The following PDE10A variants were observed in gnomAD, a reference collection of about 807,000 sequenced individuals.
The protein encoded by PDE10A is cAMP and cAMP-inhibited cGMP 3',5'-cyclic phosphodiesterase 10A.
In PDE10A, 39 loss-of-function variants were observed where a neutral mutation model predicts 97.7. The observed-to-expected ratio is 0.40, with a 90% confidence interval of 0.31 to 0.52. PDE10A has a LOEUF of 0.52. Ranked by LOEUF, PDE10A falls within the 20% of genes least tolerant of loss-of-function variation. PDE10A has a pLI of 0.56. For synonymous variants in PDE10A, 371 were observed against 376.8 expected (o/e 0.98, Z 0.18); for missense variants, 731 against 1,047.8 (o/e 0.70, Z 4.17).
intron 1 of PDE10A, among the ~76,000 whole-genome samples, chr6:165,924,663 T>C (rs1782874172): frequency 6.6e-6 from 1 of 152,196 alleles, no homozygotes; most frequent in Non-Finnish European, 1.5e-5. Context: ...CAGCATCCTG[T>C]AGTAAAGAGG....
At chr6:165,940,665 C>G (rs1783488056) in intron 1 of PDE10A, 1 of 152,274 alleles carries the variant, frequency 6.6e-6, no homozygotes, top group Non-Finnish European at 1.5e-5. Flanking sequence ...GGGGTGCTTC[C>G]TCGTTCCTGG....
intron 1 of PDE10A, among the ~76,000 whole-genome samples, chr6:165,825,127 A>G (rs569100223): frequency 2.2e-4 from 32 of 148,210 alleles, no homozygotes; most frequent in African/African-American, 6.0e-4. Context: ...CAGCCTGGGC[A>G]ACAGAAAGAC....
chr6:165,504,414 G>C (rs759012279), intron 2 of PDE10A, among the ~76,000 whole-genome samples: 3 of 152,144 alleles, frequency 2.0e-5, no homozygotes, highest in Non-Finnish European at 2.9e-5. Context: ...TTAGATAAAT[G>C]ATTGAATATT....
At chr6:165,895,790 G>T (rs1401050234) in intron 1 of PDE10A, among the ~76,000 whole-genome samples, 1 of 152,204 alleles carries the variant, frequency 6.6e-6, no homozygotes, top group South Asian at 2.1e-4. Flanking sequence ...GAGGGCCTCG[G>T]CATCCTCAGT....
intron 18 of PDE10A, among the ~76,000 whole-genome samples, chr6:165,353,697 T>C (rs975572799): frequency 6.6e-6 from 1 of 152,150 alleles, no homozygotes; most frequent in African/African-American, 2.4e-5. Flanking sequence ...ATGAGGACTG[T>C]AAAAGGATCA....
intron 1 of PDE10A, among the ~76,000 whole-genome samples, chr6:165,693,913 G>T (rs1393144509): frequency 6.6e-6 from 1 of 151,836 alleles, no homozygotes; most frequent in Non-Finnish European, 1.5e-5. Context: ...AGTTTTAGAA[G>T]TTTTTTTTCC....
intron 1 of PDE10A, among the ~76,000 whole-genome samples, chr6:165,657,860 A>T (rs1184422286): frequency 6.6e-6 from 1 of 152,170 alleles, no homozygotes; most frequent in Non-Finnish European, 1.5e-5. Context: ...TCCACGGAGG[A>T]CTGTGACACT....
intron 1 of PDE10A, among the ~76,000 whole-genome samples, chr6:165,837,564 G>T (rs1780096280): frequency 6.6e-6 from 1 of 151,752 alleles, no homozygotes; most frequent in African/African-American, 2.4e-5. Context: ...AGAAAAAATG[G>T]ATTCATCTAG....
At chr6:165,635,116 T>C (rs1788813226) in intron 1 of PDE10A, among the ~76,000 whole-genome samples, 1 of 152,214 alleles carries the variant, frequency 6.6e-6, no homozygotes, top group South Asian at 2.1e-4. Flanking sequence ...CTCACACTCC[T>C]AGTAGCAGTC....
chr6:165,602,920 G>C (rs963138289), intron 1 of PDE10A, among the ~76,000 whole-genome samples: 1 of 152,124 alleles, frequency 6.6e-6, no homozygotes, highest in African/African-American at 2.4e-5. Flanking sequence ...ATTGTTCTAT[G>C]CTAGACAGAC....
chr6:165,332,577 TA>T lies in PDE10A; in HGVS notation c.*447del, dbSNP rs1334937834. The T allele has an allele frequency of 1.3e-5, 2 of 156,328 alleles. No individual in the cohort carries two copies. Among genetic ancestry groups the T allele is most frequent in the East Asian group, 1.9e-4 (1 of 5,240 alleles). 9.7% of individuals were successfully genotyped at this position (156,328 alleles called of 1,614,324 possible). A position where few individuals can be genotyped will look rare whatever the true frequency, so the allele number is the denominator to read the frequency against. On this transcript the variant is annotated 3_prime_UTR_variant, in exon 22 of 22. Transcript: ENST00000539869. ...ATTCACCATTCACAATAGTAATGTG[TA>T]AAAATTCCTATTTATATCCAACAAC...
intron 1 of PDE10A, among the ~76,000 whole-genome samples, chr6:165,932,113 C>G (rs1159977731): frequency 6.6e-6 from 1 of 152,178 alleles, no homozygotes; most frequent in Non-Finnish European, 1.5e-5. Context: ...CGATATACCG[C>G]CCGCTGAAGA....
At chr6:165,610,190 T>C (rs1787422715) in intron 1 of PDE10A, among the ~76,000 whole-genome samples, 1 of 152,092 alleles carries the variant, frequency 6.6e-6, no homozygotes, top group African/African-American at 2.4e-5. Context: ...AACAGAGCCC[T>C]CAGAAATAAT....
intron 1 of PDE10A, among the ~76,000 whole-genome samples, chr6:165,763,491 T>C (rs1189111338): frequency 6.6e-6 from 1 of 152,030 alleles, no homozygotes; most frequent in African/African-American, 2.4e-5. Flanking sequence ...CCCAGCTAAT[T>C]TTTGTATTTT....
At position 165,958,553 on chromosome 6, in the gene PDE10A, GAA is replaced by G. The variant is rs1201088978; in HGVS notation, c.-615+28974_-615+28975del. Among the ~76,000 whole-genome samples, 25 of 32,040 alleles carry G rather than the reference GAA, an allele frequency of 7.8e-4. 2 individuals carry two copies. Among genetic ancestry groups the G allele is most frequent in the South Asian group, 1.0e-3 (1 of 976 alleles). The allele number at this position is 32,040 out of a possible 152,430, so 21.0% of individuals were successfully genotyped here. On this transcript the variant is annotated intron_variant, in intron 1 of 19. Transcript: ENST00000366882. ...AGAAAGAAAGAAAGAAAGAAAGAAA[GAA>G]AGAAAGAAAGACAGACAGAAAGAAA...
At chr6:165,492,689 C>T (rs1425525947) in intron 2 of PDE10A, among the ~76,000 whole-genome samples, 1 of 152,040 alleles carries the variant, frequency 6.6e-6, no homozygotes, top group South Asian at 2.1e-4. Context: ...AGGGACATAC[C>T]TTAAGGTAAT....
intron 15 of PDE10A, among the ~76,000 whole-genome samples, chr6:165,393,210 G>A (rs932729298): frequency 1.3e-5 from 2 of 152,096 alleles, no homozygotes; most frequent in African/African-American, 4.8e-5. Context: ...AGAATATTCA[G>A]ACTTGCAAAC....
At chr6:165,702,278 C>T (rs1374650306) in intron 1 of PDE10A, among the ~76,000 whole-genome samples, 1 of 152,198 alleles carries the variant, frequency 6.6e-6, no homozygotes, top group Non-Finnish European at 1.5e-5. Flanking sequence ...TTTCTGAAAA[C>T]TCCCTGCCTC....
In PDE10A at chr6:165,343,495, C is replaced by T. The variant is rs1782106125; in HGVS notation, c.2791G>A (p.Val931Ile). 7.4e-6 allele frequency: 12 copies of T among 1,611,400 alleles called. No individual in the cohort carries two copies. Among genetic ancestry groups the T allele is most frequent in the Non-Finnish European group, 1.0e-5 (12 of 1,177,552 alleles). ...CAGGCAGTCATCATCAAACCAATTA[C>T]ACGGTCTCTAGAACACAACAATATA... is the stretch of plus-strand genomic sequence containing the variant. The part of the protein sequence containing the change: ...NLNNQSHRDR[V>I]IGLMMTACDL... The change falls in exon 19 of 22, where the codon GTA becomes ATA. Residue 931 changes from valine to isoleucine, a missense_variant. Coordinates refer to ENST00000539869, the MANE Select transcript of PDE10A (RefSeq NM_001385079.1).
Sources: allele counts gnomAD v4.1 joint callset (sites outside exome capture counted in the v4.1 genomes callset), GRCh38; gene constraint gnomAD v4.1.1; transcripts MANE v1.5; gene names NCBI Gene and HGNC (gene_info 2026-07-23, HGNC 2026-07-21).